The following PTTG1IP variants were observed in gnomAD, a reference collection of about 807,000 sequenced individuals.
The protein encoded by PTTG1IP is PTTG1 interacting protein, also known as pituitary tumor-transforming gene 1 protein-interacting protein.
PTTG1IP carries 16 observed loss-of-function variants against 24.4 expected under a neutral mutation model. The observed-to-expected ratio is 0.66, with a 90% confidence interval of 0.44 to 1.00. PTTG1IP has a LOEUF of 1.00. Among genes scored for constraint, PTTG1IP ranks in the 50% least tolerant of loss-of-function variants. PTTG1IP has a pLI of 0.00. For synonymous variants in PTTG1IP, 89 were observed against 96.8 expected, an observed-to-expected ratio of 0.92 and a Z score of 0.47; for missense variants, 241 against 245.8, an observed-to-expected ratio of 0.98 and a Z score of 0.13.
At chr21:44,872,012 A>G (rs958414049) in intron 1 of PTTG1IP, among the ~76,000 whole-genome samples, 6 of 152,214 alleles carry the variant, frequency 3.9e-5, no homozygotes, top group Non-Finnish European at 5.9e-5. Flanking sequence ...ACCCTTCAGC[A>G]GTGCAGAGCA....
At chr21:44,871,065 G>T (rs2083580776) in intron 1 of PTTG1IP, among the ~76,000 whole-genome samples, 1 of 152,242 alleles carries the variant, frequency 6.6e-6, no homozygotes, top group African/African-American at 2.4e-5. Context: ...CAGAGGCATG[G>T]AGAACAACTA....
intron 1 of PTTG1IP, among the ~76,000 whole-genome samples, chr21:44,867,861 A>G (rs546293405): frequency 6.6e-6 from 1 of 152,384 alleles, no homozygotes; most frequent in East Asian, 1.9e-4. Context: ...ACGTTTACCA[A>G]AAGGGACAAA....
intron 2 of PTTG1IP, among the ~76,000 whole-genome samples, chr21:44,864,465 T>G (rs1243245171): frequency 2.0e-5 from 3 of 152,240 alleles, no homozygotes; most frequent in Non-Finnish European, 4.4e-5. Context: ...GGCACAATCT[T>G]GGCTCACTGC....
intron 1 of PTTG1IP, among the ~76,000 whole-genome samples, chr21:44,871,318 C>A (rs945734731): frequency 6.6e-6 from 1 of 152,156 alleles, no homozygotes; most frequent in African/African-American, 2.4e-5. Context: ...ACCTCGGGGA[C>A]CTGCACTGGC....
At chr21:44,868,718 T>A (rs1288550237) in intron 1 of PTTG1IP, among the ~76,000 whole-genome samples, 1 of 152,184 alleles carries the variant, frequency 6.6e-6, no homozygotes, top group Non-Finnish European at 1.5e-5. Flanking sequence ...AATGATGAGT[T>A]GAGAAGCCTC....
At chr21:44,866,839 T>C (rs1601256659) in intron 1 of PTTG1IP, among the ~76,000 whole-genome samples, 1 of 152,194 alleles carries the variant, frequency 6.6e-6, no homozygotes, top group Non-Finnish European at 1.5e-5. Context: ...ATACCAAATG[T>C]TGGCAAGGAT....
At chr21:44,864,357 C>A (rs537949198) in intron 2 of PTTG1IP, among the ~76,000 whole-genome samples, 1 of 152,372 alleles carries the variant, frequency 6.6e-6, no homozygotes, top group South Asian at 2.1e-4. Context: ...CAGGCCACCA[C>A]GCAGAGAAAA....
chr21:44,865,315 A>G, intron 2 of PTTG1IP, 80 bp downstream of exon 2: 4 of 1,431,288 alleles, frequency 2.8e-6, no homozygotes, highest in Non-Finnish European at 3.9e-6. Context: ...CATCCCAGCG[A>G]ATCCCTGGAC....
intron 5 of PTTG1IP, among the ~76,000 whole-genome samples, chr21:44,853,510 A>G (rs1224228277): frequency 7.0e-6 from 1 of 143,694 alleles, no homozygotes; most frequent in Admixed American, 6.9e-5. Context: ...TCCGTCTCAA[A>G]AAAAAAAAAA....
chr21:44,867,784 A>G (rs1313067086), intron 1 of PTTG1IP, among the ~76,000 whole-genome samples: 1 of 152,204 alleles, frequency 6.6e-6, no homozygotes, highest in African/African-American at 2.4e-5. Context: ...TTTGCTGTCC[A>G]TGTGAAGAGC....
intron 3 of PTTG1IP, among the ~76,000 whole-genome samples, chr21:44,859,104 T>C (rs761618449): frequency 3.9e-4 from 60 of 152,370 alleles, no homozygotes; most frequent in Middle Eastern, 3.4e-3. Context: ...AGTGGCAGCA[T>C]GGCTGAACAG....
In PTTG1IP at chr21:44,850,335, CT is replaced by C. The variant is rs2083402116; in HGVS notation, c.*1245del. 6.6e-6 allele frequency: 1 copy of C among 152,264 alleles called. No homozygotes were observed. The highest frequency in any genetic ancestry group is 1.5e-5 in the Non-Finnish European group (1 of 68,044). 9.4% of individuals were successfully genotyped at this position (152,264 alleles called of 1,614,324 possible). A position where few individuals can be genotyped will look rare whatever the true frequency, so the allele number is the denominator to read the frequency against. On this transcript the variant is annotated 3_prime_UTR_variant, in exon 6 of 6. Transcript: ENST00000330938. ...CACTTTTCAGTGACTTCCCCGCACGCTGCTTTCCCTGCCACGAAGCGCTTGG... is the reference window on the plus strand; with the variant it reads ...CACTTTTCAGTGACTTCCCCGCACGCGCTTTCCCTGCCACGAAGCGCTTGG...
At chr21:44,861,396 C>A in intron 2 of PTTG1IP, 125 bp from the exon 3 acceptor site, 1 of 756,918 alleles carries the variant, frequency 1.3e-6, no homozygotes, top group South Asian at 1.8e-5. Context: ...CTCAACCTCC[C>A]CCTCAACGCC....
chr21:44,865,467 G>A lies in PTTG1IP; in HGVS notation c.116-20C>T, dbSNP rs186098153. The A allele has an allele frequency of 5.6e-6, 9 of 1,613,580 alleles. No homozygotes were observed. The East Asian group carries it at 1.3e-4, about 24-fold the overall frequency. On this transcript the variant is annotated intron_variant, in intron 1 of 5. Coordinates refer to ENST00000330938, the MANE Select transcript of PTTG1IP (RefSeq NM_004339.4). The stretch of plus-strand genomic sequence containing the variant: ...AACAAGCTGCAGGAAAGAGGCAAGA[G>A]ACAAGTCAGTCACTGAGAATCAGGC...
chr21:44,867,705 A>C (rs1475204648), intron 1 of PTTG1IP, among the ~76,000 whole-genome samples: 1 of 152,256 alleles, frequency 6.6e-6, no homozygotes, highest in African/African-American at 2.4e-5. Flanking sequence ...GGACAAATGC[A>C]ACACAGCAAA....
At chr21:44,869,566 T>C (rs776544743) in intron 1 of PTTG1IP, among the ~76,000 whole-genome samples, 26 of 152,260 alleles carry the variant, frequency 1.7e-4, no homozygotes, top group South Asian at 2.1e-4. Context: ...CCAAAAGTGC[T>C]GGGATTACAG....
chr21:44,855,189 G>A (rs2146454500), intron 5 of PTTG1IP, 21 bp downstream of exon 5: 2 of 1,599,548 alleles, frequency 1.3e-6, no homozygotes, highest in Non-Finnish European at 8.6e-7. Flanking sequence ...CAGACAAAAA[G>A]GAGGCGTGAC....
intron 1 of PTTG1IP, among the ~76,000 whole-genome samples, chr21:44,867,627 T>TGCCTGTGACTGACGCTCAC (rs1569326963): frequency 1.2e-4 from 18 of 152,274 alleles, no homozygotes; most frequent in Admixed American, 1.0e-3. Flanking sequence ...AGCACGCTCA[T>TGCCTGTGACTGACGCTCAC]GTCTGTGACT....
chr21:44,858,391 C>T (rs945001432), intron 3 of PTTG1IP, among the ~76,000 whole-genome samples: 1 of 152,244 alleles, frequency 6.6e-6, no homozygotes, highest in African/African-American at 2.4e-5. Context: ...GCCACAACTG[C>T]TCCTCCCCAC....
Sources: allele counts gnomAD v4.1 joint callset (sites outside exome capture counted in the v4.1 genomes callset), GRCh38; gene constraint gnomAD v4.1.1; transcripts MANE v1.5; gene names NCBI Gene and HGNC (gene_info 2026-07-23, HGNC 2026-07-21).